Variants in C1orf141 observed in about 807,000 individuals in gnomAD.
The protein encoded by C1orf141 is uncharacterized protein C1orf141.
A neutral mutation model predicts 23.2 loss-of-function variants in C1orf141; 19 were observed. The ratio of observed to expected loss-of-function variants is 0.82; its 90% confidence interval spans 0.57 to 1.20. The LOEUF is 1.20. Among genes scored for constraint, C1orf141 ranks in the 50% most tolerant of loss-of-function variants. C1orf141 has a pLI of 0.00. For synonymous variants in C1orf141, 153 were observed against 154.6 expected, an observed-to-expected ratio of 0.99 and a Z score of 0.08; for missense variants, 469 against 455.1, an observed-to-expected ratio of 1.03 and a Z score of -0.28.
chr1:67,129,820 CA>C (rs992018857), intron 2 of C1orf141, among the ~76,000 whole-genome samples: 3 of 152,212 alleles, frequency 2.0e-5, no homozygotes, highest in African/African-American at 7.2e-5. Flanking sequence ...CCAATCTTGT[CA>C]GTGCCTCAAA....
chr1:67,120,677 G>A (rs1646281024), intron 4 of C1orf141, among the ~76,000 whole-genome samples: 1 of 152,174 alleles, frequency 6.6e-6, no homozygotes, highest in Non-Finnish European at 1.5e-5. Flanking sequence ...GAAGACAGCT[G>A]TCTGCAAAGC....
chr1:67,103,365 A>G, intron 5 of C1orf141: 1 of 1,409,112 alleles, frequency 7.1e-7, no homozygotes, highest in South Asian at 1.7e-5. Flanking sequence ...GAACATTCAA[A>G]GGCCCTGCAT....
At chr1:67,118,768 C>G (rs772995009) in intron 4 of C1orf141, among the ~76,000 whole-genome samples, 2 of 152,196 alleles carry the variant, frequency 1.3e-5, no homozygotes, top group Non-Finnish European at 2.9e-5. Flanking sequence ...CTCCCTGTCT[C>G]TGTATTTGCC....
intron 2 of C1orf141, among the ~76,000 whole-genome samples, chr1:67,128,911 A>G (rs1011597408): frequency 1.3e-5 from 2 of 152,188 alleles, no homozygotes; most frequent in African/African-American, 4.8e-5. Flanking sequence ...ATTGTATATT[A>G]TTCCAGCAAT....
At chr1:67,101,017 T>TTA (rs1645785212) in intron 5 of C1orf141, among the ~76,000 whole-genome samples, 1 of 151,576 alleles carries the variant, frequency 6.6e-6, no homozygotes, top group Non-Finnish European at 1.5e-5. Flanking sequence ...TTCATTTTTT[T>TTA]ATCTCTCTCT....
In C1orf141 at chr1:67,093,511, C is replaced by T; in HGVS notation, c.697G>A (p.Glu233Lys). ...TKNRFSSHPL[E>K]NENIYPHKRT... ...TTATGTGGGTAAATGTTTTCATTTT[C>T]CAAAGGATGAGAAGAAAATCTATTT... The change falls in exon 8 of 8, where the codon GAA (glutamate) becomes AAA (lysine). Residue 233 changes from glutamate (E) to lysine (K), a missense_variant. Glu to Lys is a moderately conservative substitution (Grantham distance 56). Coordinates refer to ENST00000684719, the MANE Select transcript of C1orf141 (RefSeq NM_001276351.2). The T allele has an allele frequency of 6.2e-7, 1 of 1,607,410 alleles. No individual in the cohort carries two copies.
intron 5 of C1orf141, among the ~76,000 whole-genome samples, chr1:67,106,152 C>T (rs1645922184): frequency 6.6e-6 from 1 of 152,064 alleles, no homozygotes; most frequent in African/African-American, 2.4e-5. Context: ...ACTGCTAGAA[C>T]AAAAACATCA....
chr1:67,130,437 A>C (rs552985093), intron 2 of C1orf141, among the ~76,000 whole-genome samples: 10 of 152,322 alleles, frequency 6.6e-5, no homozygotes, highest in Non-Finnish European at 1.5e-4. Context: ...ATCTTTTTAC[A>C]GTAAGGTGTC....
intron 4 of C1orf141, among the ~76,000 whole-genome samples, chr1:67,119,959 C>A (rs1345470967): frequency 2.0e-5 from 3 of 152,198 alleles, no homozygotes. Context: ...AAGGGTAAGA[C>A]CCCTGCCCAG....
intron 5 of C1orf141, among the ~76,000 whole-genome samples, chr1:67,112,283 A>G (rs904260991): frequency 6.6e-6 from 1 of 152,248 alleles, no homozygotes; most frequent in African/African-American, 2.4e-5. Context: ...GGAGTCTGGT[A>G]GTCATTCAAT....
chr1:67,127,368 G>A (rs1032993140), intron 2 of C1orf141, 111 bp from the exon 3 acceptor site: 13 of 624,084 alleles, frequency 2.1e-5, no homozygotes, highest in Non-Finnish European at 2.7e-5. Flanking sequence ...GTAAATAATA[G>A]AATTGTTTAA....
chr1:67,094,813 A>G (rs1262607642), intron 7 of C1orf141: 1 of 154,938 alleles, frequency 6.5e-6, no homozygotes, highest in Admixed American at 6.5e-5. Flanking sequence ...TGGTCCCATC[A>G]TTTTAGAACT....
intron 4 of C1orf141, among the ~76,000 whole-genome samples, chr1:67,116,791 T>A (rs1055004718): frequency 1.4e-4 from 22 of 152,154 alleles, no homozygotes; most frequent in Admixed American, 4.6e-4. Context: ...GCCTGTAGTA[T>A]TCTCCCCACA....
In C1orf141 at chr1:67,094,346, G is replaced by A. The variant is rs1293800329; in HGVS notation, c.604-742C>T. The A allele has an allele frequency of 1.4e-4, 21 of 152,160 alleles. 1 individual carries two copies. Among genetic ancestry groups the A allele is most frequent in the Admixed American group, 1.2e-3 (19 of 15,276 alleles). The allele number at this position is 152,160 out of a possible 1,614,324, so 9.4% of individuals were successfully genotyped here. On this transcript the variant is annotated intron_variant, in intron 7 of 7. Transcript: ENST00000684719. ...GCTTTTGGTCTGTCCAACACCTTAG[G>A]GAATTTTCCACTTGACAAGTCTATG...
chr1:67,103,455 C>T (rs577608501), intron 5 of C1orf141: 3 of 865,468 alleles, frequency 3.5e-6, no homozygotes, highest in Admixed American at 7.5e-5. Flanking sequence ...ATAATTTATG[C>T]TTGAGTATTC....
chr1:67,095,761 C>G (rs1645665599), intron 6 of C1orf141: 1 of 203,852 alleles, frequency 4.9e-6, no homozygotes, highest in African/African-American at 2.3e-5. Context: ...CAGCTTCATG[C>G]CAACATAGGG....
chr1:67,141,057 C>T (rs1049500984), intron 1 of C1orf141, among the ~76,000 whole-genome samples: 30 of 151,890 alleles, frequency 2.0e-4, no homozygotes, highest in African/African-American at 6.8e-4. Flanking sequence ...GCAGCTGTTA[C>T]AAGAGGTATG....
chr1:67,131,666 C>A (rs188770995), intron 1 of C1orf141, among the ~76,000 whole-genome samples: 1 of 152,238 alleles, frequency 6.6e-6, no homozygotes, highest in African/African-American at 2.4e-5. Context: ...CTGGACACGT[C>A]CTGCCCTTTT....
intron 5 of C1orf141, among the ~76,000 whole-genome samples, chr1:67,114,129 C>A (rs748338989): frequency 8.6e-5 from 13 of 152,002 alleles, no homozygotes; most frequent in East Asian, 3.9e-4. Flanking sequence ...ACACAAAAAA[C>A]CCCCACACCT....
Sources: allele counts gnomAD v4.1 joint callset (sites outside exome capture counted in the v4.1 genomes callset), GRCh38; gene constraint gnomAD v4.1.1; transcripts MANE v1.5; gene names NCBI Gene and HGNC (gene_info 2026-07-23, HGNC 2026-07-21).